Variants in ACAN observed in about 807,000 individuals in gnomAD.
ACAN encodes aggrecan core protein.
Under a neutral mutation model 169.1 loss-of-function variants are expected in ACAN, and 47 were observed. The ratio of observed to expected loss-of-function variants is 0.28; its 90% CI spans 0.22 to 0.35. The LOEUF (loss-of-function observed/expected upper bound fraction) is 0.35. Ranked by LOEUF, ACAN falls within the 10% of genes least tolerant of loss-of-function variation. The pLI is 1.00. For missense variants in ACAN, 2,716 were observed against 2,759.9 expected, an observed-to-expected ratio of 0.98 and a Z score of 0.36; for synonymous variants, 1,115 against 1,112.2, an observed-to-expected ratio of 1.00 and a Z score of -0.05.
intron 11 of ACAN, among the ~76,000 whole-genome samples, chr15:88,852,404 A>G (rs1265216220): frequency 6.6e-6 from 1 of 152,156 alleles, no homozygotes; most frequent in Non-Finnish European, 1.5e-5. Context: ...AAGATCTCTA[A>G]TAGAGGAGAA....
intron 1 of ACAN, among the ~76,000 whole-genome samples, chr15:88,816,379 G>A (rs1008232743): frequency 2.0e-5 from 3 of 152,164 alleles, no homozygotes; most frequent in Non-Finnish European, 4.4e-5. Flanking sequence ...GGGGGAGATG[G>A]ATTAAACAAA....
Position 88,839,964 on chromosome 15 carries a change from CTG to C in ACAN, c.455-45_455-44del, listed in dbSNP as rs1196621407. The C allele has an allele frequency of 6.4e-7, 1 of 1,559,710 alleles. No homozygotes were observed. Among genetic ancestry groups the C allele is most frequent in the Admixed American group, 1.9e-5 (1 of 52,830 alleles). Reference sequence around the variant, plus strand: ...CTGCGAGGGCCTCGGTGATCAGAGACTGTGCCTGACCAGCTCTTCCGCTTGTG... The same window carrying C: ...CTGCGAGGGCCTCGGTGATCAGAGACTGCCTGACCAGCTCTTCCGCTTGTG... On this transcript the variant is annotated intron_variant, in intron 3 of 18. Transcript: ENST00000560601. The surrounding 1 kb of genome is among the most constrained non-coding windows in gnomAD (Gnocchi z 4.5).
chr15:88,836,911 T>C (rs900584250), intron 2 of ACAN, among the ~76,000 whole-genome samples: 1 of 152,238 alleles, frequency 6.6e-6, no homozygotes, highest in Non-Finnish European at 1.5e-5. Flanking sequence ...GACTCTGCTC[T>C]TGGCTGTGTA....
chr15:88,827,271 A>G (rs1211935101), intron 1 of ACAN, among the ~76,000 whole-genome samples: 2 of 152,194 alleles, frequency 1.3e-5, no homozygotes, highest in Non-Finnish European at 1.5e-5. Context: ...TACAGTCCAC[A>G]GTTTTATTTG....
At chr15:88,820,803 C>A (rs1178408863) in intron 1 of ACAN, among the ~76,000 whole-genome samples, 3 of 152,116 alleles carry the variant, frequency 2.0e-5, no homozygotes, top group Non-Finnish European at 4.4e-5. Flanking sequence ...CTCCATTGCC[C>A]AGGCTGGGGT....
Position 88,849,772 on chromosome 15 carries a change from G to A in ACAN, c.2026+41G>A. 1 of 1,602,730 alleles carries A rather than the reference G, an allele frequency of 6.2e-7. No homozygotes were observed. The highest frequency in any genetic ancestry group is 1.1e-5 in the South Asian group (1 of 89,426). ...TCGGCTCCAACAGCCCCTTTTGTCT[G>A]GAGAGGACCCCACTGGGTTCACCGG... On this transcript the variant is annotated intron_variant, in intron 10 of 18. Transcript: ENST00000560601. The surrounding 1 kb of genome is among the most constrained non-coding windows in gnomAD (Gnocchi z 5.1).
At chr15:88,846,708 T>G (rs72767249) in intron 7 of ACAN, among the ~76,000 whole-genome samples, 22,145 of 152,228 alleles carry the variant, frequency 0.15, 1,623 homozygotes, top group East Asian at 0.19. Flanking sequence ...GTATCAGGTT[T>G]TATAGGTAAT....
In ACAN at chr15:88,857,016, A is replaced by G. The variant is rs769666901; in HGVS notation, c.4431A>G (p.Leu1477=). ...GACTTCCTTCTGGAGGAGAAGTTCTAGAGATTTCTGTCTCTGGAGTAGAGG... is the reference window on the plus strand; with the variant it reads ...GACTTCCTTCTGGAGGAGAAGTTCTGGAGATTTCTGTCTCTGGAGTAGAGG... The part of the protein sequence containing the change: ...LSGLPSGGEV[L]EISVSGVEDI... The change falls in exon 12 of 19, where the codon CTA becomes CTG. Residue 1477 remains leucine, a synonymous_variant. Transcript: ENST00000560601. 7 of 1,613,314 alleles carry G rather than the reference A, an allele frequency of 4.3e-6. No homozygotes were observed. In the Admixed American group the frequency reaches 1.2e-4, roughly 27 times the overall value.
Position 88,847,900 on chromosome 15 carries a change from C to T in ACAN, c.1605-11C>T, listed in dbSNP as rs373257378. 2.5e-6 allele frequency: 4 copies of T among 1,612,754 alleles called. No homozygotes were observed. The highest frequency in any genetic ancestry group is 1.3e-5 in the African/African-American group (1 of 74,916). ...CAGGCCTTCATCTTCTCCTCCCACTCTCCTTTGCAGATACCCCATTGTGAG... is the reference window on the plus strand; with the variant it reads ...CAGGCCTTCATCTTCTCCTCCCACTTTCCTTTGCAGATACCCCATTGTGAG... On this transcript the variant is annotated splice_polypyrimidine_tract_variant and intron_variant, in intron 8 of 18. Coordinates refer to ENST00000560601, the MANE Select transcript of ACAN (RefSeq NM_001369268.1).
chr15:88,836,511 CA>C (rs1896507381), intron 2 of ACAN, among the ~76,000 whole-genome samples: 1 of 152,228 alleles, frequency 6.6e-6, no homozygotes, highest in Admixed American at 6.5e-5. Context: ...TGACTGCCCT[CA>C]AGCCCCGACA....
chr15:88,871,938 C>T lies in ACAN; in HGVS notation c.7220-65C>T. 1.4e-6 allele frequency: 2 copies of T among 1,428,276 alleles called. No homozygotes were observed. Among genetic ancestry groups the T allele is most frequent in the Non-Finnish European group, 2.0e-6 (2 of 1,009,802 alleles). The allele number at this position is 1,428,276 out of a possible 1,614,324, so 88.5% of individuals were successfully genotyped here. A position where few individuals can be genotyped will look rare whatever the true frequency, so the allele number is the denominator to read the frequency against. The stretch of plus-strand genomic sequence containing the variant: ...CCTCCATCCCCTCTGCCTCCGTGAG[C>T]TCAAGTTTCTCAGACACCCTCAGGG... On this transcript the variant is annotated intron_variant, in intron 15 of 18. Transcript: ENST00000560601. The surrounding 1 kb of genome is among the most constrained non-coding windows in gnomAD (Gnocchi z 7.8).
At chr15:88,806,570 G>A (rs951995343) in intron 1 of ACAN, among the ~76,000 whole-genome samples, 3 of 152,134 alleles carry the variant, frequency 2.0e-5, no homozygotes, top group Non-Finnish European at 4.4e-5. Context: ...GGCTGGTCTC[G>A]AACTTCTGAC....
At position 88,845,429 on chromosome 15, in the gene ACAN, T is replaced by C. The variant is rs551027039; in HGVS notation, c.1052-76T>C. On this transcript the variant is annotated intron_variant, in intron 6 of 18. Coordinates refer to ENST00000560601, the MANE Select transcript of ACAN (RefSeq NM_001369268.1). ...AGGGAAGGAGGGGGAGCCATGCTCA[T>C]CTCCAGCCCACTCCTCATCCCCCTC... 4.6e-6 allele frequency: 7 copies of C among 1,518,770 alleles called. No homozygotes were observed. The African/African-American group carries it at 9.7e-5, about 21-fold the overall frequency. 94.1% of individuals were successfully genotyped at this position (1,518,770 alleles called of 1,614,324 possible). A position where few individuals can be genotyped will look rare whatever the true frequency, so the allele number is the denominator to read the frequency against.
Position 88,874,977 on chromosome 15 carries a change from T to A in ACAN, c.*496T>A, listed in dbSNP as rs375287129. The stretch of plus-strand genomic sequence containing the variant: ...CGGAACCGCAGCTGAATGTATTGGA[T>A]GAGAAGGAGCCAGGAGGGCTACACC... On this transcript the variant is annotated 3_prime_UTR_variant, in exon 19 of 19. Coordinates refer to ENST00000560601, the MANE Select transcript of ACAN (RefSeq NM_001369268.1). This position sits in a 1 kb window ranked among gnomAD's most constrained non-coding sequence, Gnocchi z 7.3. 136 of 276,114 alleles carry A rather than the reference T, an allele frequency of 4.9e-4. No individual in the cohort carries two copies. In the East Asian group the frequency reaches 7.3e-3, roughly 15 times the overall value. The allele number at this position is 276,114 out of a possible 1,614,324, so 17.1% of individuals were successfully genotyped here. A position where few individuals can be genotyped will look rare whatever the true frequency, so the allele number is the denominator to read the frequency against.
rs888979633 is a variant in ACAN, at chr15:88,807,729, C to G, written c.-8+3920C>G. Among the ~76,000 whole-genome samples, 4 of 145,474 alleles carry G rather than the reference C, an allele frequency of 2.7e-5. No homozygotes were observed. The highest frequency in any genetic ancestry group is 1.0e-4 in the African/African-American group (4 of 39,616). ...GGAGTTTACTTTTAAAAACTCAGAG[C>G]CTCCTTATAAGTGGTGGAGTGTGTG... On this transcript the variant is annotated intron_variant, in intron 1 of 18. Coordinates refer to ENST00000560601, the MANE Select transcript of ACAN (RefSeq NM_001369268.1). The surrounding 1 kb of genome is among the most constrained non-coding windows in gnomAD (Gnocchi z 4.0).
At chr15:88,847,803 C>G in intron 8 of ACAN, 108 bp from the exon 9 acceptor site, 8 of 1,381,730 alleles carry the variant, frequency 5.8e-6, no homozygotes, top group Non-Finnish European at 7.8e-6. Flanking sequence ...CACCAGACAA[C>G]TGAAGACATC....
chr15:88,846,870 G>A (rs911770005), intron 7 of ACAN, among the ~76,000 whole-genome samples: 1 of 152,188 alleles, frequency 6.6e-6, no homozygotes, highest in African/African-American at 2.4e-5. Context: ...TTTACCATTC[G>A]GCTCTTTCCA....
In ACAN at chr15:88,871,558, T is replaced by A; in HGVS notation, c.7219+18T>A. 1 of 1,602,754 alleles carries A rather than the reference T, an allele frequency of 6.2e-7. No individual in the cohort carries two copies. The highest frequency in any genetic ancestry group is 1.1e-5 in the South Asian group (1 of 89,582). On this transcript the variant is annotated intron_variant, in intron 15 of 18. Coordinates refer to ENST00000560601, the MANE Select transcript of ACAN (RefSeq NM_001369268.1). The surrounding 1 kb of genome is among the most constrained non-coding windows in gnomAD (Gnocchi z 7.8). ...TGTCAACAGTGAGTGCGGCGGGGCC[T>A]CTGGAGCCTGAGAGGAGAGTGGCGG...
rs1279018978 is a variant in ACAN at position 88,838,735 on chromosome 15, C to T, written c.143C>T (p.Thr48Ile). 1 of 1,612,674 alleles carries T rather than the reference C, an allele frequency of 6.2e-7. No homozygotes were observed. The highest frequency in any genetic ancestry group is 8.5e-7 in the Non-Finnish European group (1 of 1,178,822). Residue 48 changes from threonine to isoleucine, a missense_variant, in exon 3 of 19, where the codon ACC (threonine) becomes ATC (isoleucine). Thr to Ile is a moderately conservative substitution (Grantham distance 89, BLOSUM62 -1). Around this residue, in one of 3 missense-constraint regions of ACAN, gnomAD observed 1,283 missense variants for 1,281.5 expected, o/e 1.00. Coordinates refer to ENST00000560601, the MANE Select transcript of ACAN (RefSeq NM_001369268.1). This position sits in a 1 kb window ranked among gnomAD's most constrained non-coding sequence, Gnocchi z 5.1. The stretch of plus-strand genomic sequence containing the variant: ...AGGGTCCTCCTGGGGACCTCCCTCA[C>T]CATCCCCTGCTATTTCATCGACCCC... ...PLRVLLGTSL[T>I]IPCYFIDPMH... is the part of the protein sequence containing the mutation.
Sources: allele counts gnomAD v4.1 joint callset (sites outside exome capture counted in the v4.1 genomes callset), GRCh38; gene constraint gnomAD v4.1.1; regional missense constraint gnomAD v4.1.1; non-coding constraint Gnocchi (gnomAD v3.1); transcripts MANE v1.5; gene names NCBI Gene and HGNC (gene_info 2026-07-23, HGNC 2026-07-21).